Variants in SLC6A16 observed in about 807,000 individuals in gnomAD.
SLC6A16 encodes solute carrier family 6 member 16.
A neutral mutation model predicts 65.4 loss-of-function variants in SLC6A16; 54 were observed. The ratio of observed to expected loss-of-function variants is 0.83; its 90% CI spans 0.66 to 1.04. The LOEUF is 1.04. Ranked by LOEUF, SLC6A16 falls within the 50% of genes least tolerant of loss-of-function variation. The pLI is 0.00. For missense variants in SLC6A16, 816 were observed against 914.0 expected (o/e 0.89, Z 1.38); for synonymous variants, 330 against 346.5 (o/e 0.95, Z 0.53).
At chr19:49,323,984 C>T (rs1233646717) in intron 1 of SLC6A16, among the ~76,000 whole-genome samples, 1 of 152,116 alleles carries the variant, frequency 6.6e-6, no homozygotes, top group Non-Finnish European at 1.5e-5. Context: ...GAGAGGTGAT[C>T]ATGCCACTGG....
chr19:49,325,249 C>T (rs999840132), upstream of SLC6A16: 31 of 985,406 alleles, frequency 3.1e-5, no homozygotes, highest in Non-Finnish European at 3.7e-5. Context: ...CGCCCCCTCA[C>T]TCTTTCCCTA....
At chr19:49,340,298 C>G in the SLC6A16 span, 1 of 1,613,818 alleles carries the variant, frequency 6.2e-7, no homozygotes, top group African/African-American at 1.3e-5. Flanking sequence ...ACCTGGACCA[C>G]GTCTACAACC....
At chr19:49,325,008 T>C (rs1475116205) in intron 1 of SLC6A16, 40 bp downstream of exon 1, 7 of 983,026 alleles carry the variant, frequency 7.1e-6, no homozygotes, top group Non-Finnish European at 7.2e-6. Flanking sequence ...ACACCCCAGA[T>C]GTGGGAACAT....
chr19:49,310,409 C>A lies in SLC6A16; in HGVS notation c.517G>T (p.Gly173Cys), dbSNP rs1302227818. 6.2e-7 allele frequency: 1 copy of A among 1,614,072 alleles called. No homozygotes were observed. Among genetic ancestry groups the A allele is most frequent in the Admixed American group, 1.7e-5 (1 of 60,000 alleles). ...CAGGGGGCAATGATCTTCCATACAC[C>A]CATGCCACCCTGACGCATGCTCTGA... ...AGQSMRQGGM[G>C]VWKIIAPWIG... The change falls in exon 3 of 12, where the codon GGT (glycine) becomes TGT (cysteine). Residue 173 changes from glycine to cysteine, a missense_variant. By Grantham distance (159) the Gly-to-Cys change is radical. Coordinates refer to ENST00000335875, the MANE Select transcript of SLC6A16 (RefSeq NM_014037.3).
chr19:49,305,322 TG>T (rs1970363167), intron 7 of SLC6A16, among the ~76,000 whole-genome samples: 1 of 152,114 alleles, frequency 6.6e-6, no homozygotes. Context: ...CTGGGTGTGG[TG>T]GCTCACGCCT....
chr19:49,311,365 G>A lies in SLC6A16; in HGVS notation c.-18C>T, dbSNP rs1229569615. Reference sequence around the variant, plus strand: ...GTCTTCATCTCACACAGACTCTCTGGGGCAGCTCCCGCTTCTGCAAGGGAG... The same window carrying A: ...GTCTTCATCTCACACAGACTCTCTGAGGCAGCTCCCGCTTCTGCAAGGGAG... On this transcript the variant is annotated 5_prime_UTR_variant, in exon 2 of 12. Coordinates refer to ENST00000335875, the MANE Select transcript of SLC6A16 (RefSeq NM_014037.3). 2 of 1,539,662 alleles carry A rather than the reference G, an allele frequency of 1.3e-6. No homozygotes were observed. The highest frequency in any genetic ancestry group is 1.8e-4 in the Middle Eastern group (1 of 5,698).
the SLC6A16 span, chr19:49,335,481 T>TC: frequency 1.7e-6 from 2 of 1,156,488 alleles, no homozygotes; most frequent in Non-Finnish European, 2.6e-6. The surrounding 1 kb of genome is among the most constrained non-coding windows in gnomAD (Gnocchi z 4.6). Flanking sequence ...TCTCCCTGTC[T>TC]CCCCCACTGT....
At chr19:49,295,893 G>A (rs1312158523) in intron 7 of SLC6A16, among the ~76,000 whole-genome samples, 2 of 152,168 alleles carry the variant, frequency 1.3e-5, no homozygotes, top group African/African-American at 4.8e-5. Flanking sequence ...GCTTGCTCCT[G>A]GCCCTTCTAC....
the SLC6A16 span, among the ~76,000 whole-genome samples, chr19:49,334,352 G>T: frequency 6.6e-6 from 1 of 151,480 alleles, no homozygotes; most frequent in Non-Finnish European, 1.5e-5. Context: ...CAGGCATGGT[G>T]GTGTGCACCT....
the SLC6A16 span, chr19:49,337,215 G>T: frequency 6.2e-7 from 1 of 1,613,970 alleles, no homozygotes; most frequent in Non-Finnish European, 8.5e-7. Context: ...CCACTCAGCG[G>T]GCCCAGGTGA....
intron 7 of SLC6A16, among the ~76,000 whole-genome samples, chr19:49,307,762 A>G (rs2146120144): frequency 6.6e-6 from 1 of 151,780 alleles, no homozygotes; most frequent in South Asian, 2.1e-4. Flanking sequence ...AAAGAAAAAA[A>G]AAAGATTACT....
At chr19:49,335,315 T>C in the SLC6A16 span, 2 of 571,974 alleles carry the variant, frequency 3.5e-6, no homozygotes, top group Non-Finnish European at 6.2e-6. This position sits in a 1 kb window ranked among gnomAD's most constrained non-coding sequence, Gnocchi z 4.6. Context: ...TGTGTCCCAG[T>C]GGAGCAGGTG....
chr19:49,339,965 A>C, the SLC6A16 span: 55 of 1,412,394 alleles, frequency 3.9e-5, no homozygotes, highest in East Asian at 4.8e-4. This position sits in a 1 kb window ranked among gnomAD's most constrained non-coding sequence, Gnocchi z 4.5. Context: ...TTAGAGGCTG[A>C]GGCAGAGGGG....
chr19:49,335,393 C>T, the SLC6A16 span: 1 of 677,564 alleles, frequency 1.5e-6, no homozygotes, highest in Non-Finnish European at 2.6e-6. This position sits in a 1 kb window ranked among gnomAD's most constrained non-coding sequence, Gnocchi z 4.6. Flanking sequence ...TGGAGCCCCA[C>T]CCCTGGAACT....
At chr19:49,336,943 A>C in the SLC6A16 span, 2 of 1,614,172 alleles carry the variant, frequency 1.2e-6, no homozygotes, top group East Asian at 4.5e-5. Context: ...TCTGGTCCAA[A>C]GTCCTGGCCA....
Position 49,293,214 on chromosome 19 carries a change from G to A in SLC6A16, c.1778+9C>T, listed in dbSNP as rs1330569315. 2 of 1,613,986 alleles carry A rather than the reference G, an allele frequency of 1.2e-6. No individual in the cohort carries two copies. ...CATGCTTTGTGAGAACCTGGGCTTA[G>A]GACATCACCTCCTGGCCCCATAGGC... On this transcript the variant is annotated intron_variant, in intron 10 of 11. Transcript: ENST00000335875.
upstream of SLC6A16, chr19:49,325,216 G>T: frequency 3.0e-6 from 3 of 985,166 alleles, no homozygotes; most frequent in South Asian, 4.7e-5. Context: ...CTTTCCCGCC[G>T]ATTCTCTGCG....
At chr19:49,308,715 T>G (rs1970443526) in intron 7 of SLC6A16, 161 bp downstream of exon 7, 1 of 763,324 alleles carries the variant, frequency 1.3e-6, no homozygotes, top group African/African-American at 1.7e-5. Context: ...GATAGGAGAT[T>G]CTATTGTCTC....
chr19:49,336,801 G>A, the SLC6A16 span: 1 of 1,181,388 alleles, frequency 8.5e-7, no homozygotes, highest in Non-Finnish European at 1.2e-6. Context: ...GTCCCAGAGA[G>A]AGGGGCACCA....
Sources: gnomAD v4.1 joint callset for allele counts (sites outside exome capture counted in the v4.1 genomes callset) on GRCh38, gnomAD v4.1.1 for gene constraint, Gnocchi (gnomAD v3.1) non-coding constraint, MANE v1.5 for transcripts, NCBI Gene and HGNC (gene_info 2026-07-23, HGNC 2026-07-21) for gene names.